The following PTPRD variants were observed in gnomAD, a reference collection of about 807,000 sequenced individuals.
PTPRD encodes the protein protein tyrosine phosphatase receptor type D, also known as receptor-type tyrosine-protein phosphatase delta.
PTPRD carries 34 observed loss-of-function variants against 214.5 expected under a neutral mutation model. That is an observed-to-expected ratio of 0.16 (90% CI 0.12 to 0.21). PTPRD has a LOEUF of 0.21. Among genes scored for constraint, PTPRD ranks in the 10% least tolerant of loss-of-function variants. The probability of loss-of-function intolerance (pLI) is 1.00; values close to 1 mark genes in which losing one functional copy is unlikely to be tolerated. For missense variants in PTPRD, 2,545 were observed against 2,398.7 expected (o/e 1.06, Z -1.27); for synonymous variants, 1,128 against 845.7 (o/e 1.33, Z -5.79).
At chr9:9,997,606 A>G (rs1227968256) in intron 4 of PTPRD, among the ~76,000 whole-genome samples, 3 of 152,156 alleles carry the variant, frequency 2.0e-5, no homozygotes, top group South Asian at 4.1e-4. Flanking sequence ...AATTTTAATA[A>G]AGGAATTATT....
chr9:9,904,356 C>T (rs550968133), intron 5 of PTPRD, among the ~76,000 whole-genome samples: 7 of 152,116 alleles, frequency 4.6e-5, no homozygotes, highest in Admixed American at 1.3e-4. Context: ...AACAAAAAAA[C>T]GCTTGTGATT....
intron 2 of PTPRD, among the ~76,000 whole-genome samples, chr9:10,425,349 T>C (rs1329184340): frequency 6.6e-6 from 1 of 152,014 alleles, no homozygotes; most frequent in Non-Finnish European, 1.5e-5. Flanking sequence ...ATTTCCCTCT[T>C]CTATTACCTA....
intron 3 of PTPRD, among the ~76,000 whole-genome samples, chr9:10,233,237 A>G (rs1172169145): frequency 6.6e-6 from 1 of 152,020 alleles, no homozygotes; most frequent in African/African-American, 2.4e-5. Context: ...AAGGTCTAAG[A>G]AGGAAAGTGA....
intron 35 of PTPRD, among the ~76,000 whole-genome samples, chr9:8,419,232 A>AT (rs2094177684): frequency 2.0e-5 from 3 of 146,402 alleles, no homozygotes; most frequent in African/African-American, 7.7e-5. Flanking sequence ...TCTCCAAAAA[A>AT]TTAAAAAAAA....
intron 5 of PTPRD, among the ~76,000 whole-genome samples, chr9:9,777,235 C>A (rs879433173): frequency 5.9e-5 from 9 of 151,966 alleles, no homozygotes; most frequent in Non-Finnish European, 1.0e-4. Flanking sequence ...GTCCAGGATA[C>A]TTATTTTGGA....
chr9:10,210,722 T>TTA (rs576935300), intron 3 of PTPRD, among the ~76,000 whole-genome samples: 1 of 145,668 alleles, frequency 6.9e-6, no homozygotes, highest in East Asian at 2.0e-4. Flanking sequence ...TTGTTTGATT[T>TTA]TATATATATA....
intron 7 of PTPRD, among the ~76,000 whole-genome samples, chr9:9,600,889 G>C (rs536893531): frequency 6.6e-6 from 1 of 152,018 alleles, no homozygotes; most frequent in South Asian, 2.1e-4. Flanking sequence ...TTTTCTACTT[G>C]TATATTTCAT....
intron 8 of PTPRD, among the ~76,000 whole-genome samples, chr9:9,458,056 T>C (rs1264308619): frequency 6.6e-6 from 1 of 152,114 alleles, no homozygotes; most frequent in African/African-American, 2.4e-5. Context: ...AATTATGCTT[T>C]GAAAGCAGTT....
At chr9:9,046,207 A>C (rs1402716860) in intron 10 of PTPRD, among the ~76,000 whole-genome samples, 2 of 152,200 alleles carry the variant, frequency 1.3e-5, no homozygotes, top group Admixed American at 6.6e-5. Context: ...ACTCCACAGG[A>C]AAGCTAGTTG....
chr9:9,595,775 G>T (rs1002132134), intron 7 of PTPRD, among the ~76,000 whole-genome samples: 2 of 151,672 alleles, frequency 1.3e-5, no homozygotes, highest in African/African-American at 4.8e-5. Context: ...TGATACAATG[G>T]ACTTTGAGGA....
intron 11 of PTPRD, among the ~76,000 whole-genome samples, chr9:8,833,700 CTATATA>C (rs548684582): frequency 2.0e-4 from 28 of 139,058 alleles, no homozygotes; most frequent in Admixed American, 5.8e-4. Context: ...CTCTCTCTCT[CTATATA>C]TATATATATA....
intron 12 of PTPRD, among the ~76,000 whole-genome samples, chr9:8,653,114 T>C (rs1596144153): frequency 6.6e-6 from 1 of 152,286 alleles, no homozygotes; most frequent in East Asian, 1.9e-4. Flanking sequence ...AAGCTGCCTT[T>C]TGAGATGGAT....
At chr9:8,824,395 C>T (rs909095837) in intron 11 of PTPRD, among the ~76,000 whole-genome samples, 6 of 152,246 alleles carry the variant, frequency 3.9e-5, no homozygotes, top group African/African-American at 1.4e-4. Flanking sequence ...TTTGGCCTAA[C>T]TATGGGGGTC....
At chr9:8,720,728 T>G (rs933045958) in intron 12 of PTPRD, among the ~76,000 whole-genome samples, 2 of 152,066 alleles carry the variant, frequency 1.3e-5, no homozygotes, top group Non-Finnish European at 2.9e-5. Flanking sequence ...TAAAAGCCAC[T>G]CAGTGCTTCT....
chr9:10,355,002 C>A (rs909872602), intron 2 of PTPRD, among the ~76,000 whole-genome samples: 1 of 152,082 alleles, frequency 6.6e-6, no homozygotes, highest in Non-Finnish European at 1.5e-5. Context: ...TCATGCAAGG[C>A]TTATAAATGT....
intron 10 of PTPRD, among the ~76,000 whole-genome samples, chr9:9,127,945 C>G (rs1024688476): frequency 6.6e-6 from 1 of 152,212 alleles, no homozygotes; most frequent in Admixed American, 6.5e-5. Context: ...GTACCCCAAG[C>G]TCTCTGTCCT....
At chr9:8,524,623 A>G (rs540310847) in intron 18 of PTPRD, among the ~76,000 whole-genome samples, 2 of 152,314 alleles carry the variant, frequency 1.3e-5, no homozygotes, top group East Asian at 3.9e-4. Flanking sequence ...GAAAAAGAAG[A>G]AAACCTCAAA....
In PTPRD at chr9:10,421,603, A is replaced by G. The variant is rs150575238; in HGVS notation, c.-599-80586T>C. 2.7e-3 allele frequency among the ~76,000 whole-genome samples: 414 copies of G among 152,020 alleles called. 2 individuals carry two copies. Among genetic ancestry groups the G allele is most frequent in the Admixed American group, 4.3e-3 (66 of 15,216 alleles). On this transcript the variant is annotated intron_variant, in intron 2 of 45. Coordinates refer to ENST00000381196, the MANE Select transcript of PTPRD (RefSeq NM_002839.4). ...GAACGTGGTCCAGTTTAGGTTTTAT[A>G]TACTAGTTCTACAAAGCATTGCATA...
At chr9:8,605,261 T>C (rs1185293988) in intron 14 of PTPRD, among the ~76,000 whole-genome samples, 2 of 152,218 alleles carry the variant, frequency 1.3e-5, no homozygotes, top group Non-Finnish European at 2.9e-5. Flanking sequence ...CAATTTAATA[T>C]TTATGTAAGC....
Sources: allele counts gnomAD v4.1 joint callset (sites outside exome capture counted in the v4.1 genomes callset), GRCh38; gene constraint gnomAD v4.1.1; transcripts MANE v1.5; gene names NCBI Gene and HGNC (gene_info 2026-07-23, HGNC 2026-07-21).